FBXL5: variants seen among roughly 807,000 people sequenced by gnomAD.
FBXL5 encodes the protein F-box and leucine rich repeat protein 5.
Under a neutral mutation model 78.3 loss-of-function variants are expected in FBXL5, and 26 were observed. The observed-to-expected ratio is 0.33, with a 90% CI of 0.24 to 0.46. FBXL5 has a LOEUF of 0.46. FBXL5 is among the 20% of genes least tolerant of loss of function. FBXL5 has a pLI of 1.00. For synonymous variants in FBXL5, 295 were observed against 282.5 expected, an observed-to-expected ratio of 1.04 and a Z score of -0.45; for missense variants, 710 against 829.2, an observed-to-expected ratio of 0.86 and a Z score of 1.77.
chr4:15,675,899 T>C (rs1206244581), intron 1 of FBXL5, among the ~76,000 whole-genome samples: 2 of 152,202 alleles, frequency 1.3e-5, no homozygotes, highest in African/African-American at 4.8e-5. Flanking sequence ...CCTGTTCTAG[T>C]TGAATACGCA....
intron 9 of FBXL5, among the ~76,000 whole-genome samples, chr4:15,614,154 A>C (rs1300254483): frequency 6.6e-6 from 1 of 152,168 alleles, no homozygotes; most frequent in East Asian, 1.9e-4. Flanking sequence ...TGCTCTCCCC[A>C]CTTCCCCTAG....
chr4:15,669,259 C>A (rs1005354670), intron 1 of FBXL5, among the ~76,000 whole-genome samples: 1 of 152,102 alleles, frequency 6.6e-6, no homozygotes, highest in Non-Finnish European at 1.5e-5. Flanking sequence ...AGGCTACAAA[C>A]CAGTACAGCA....
intron 5 of FBXL5, among the ~76,000 whole-genome samples, chr4:15,634,022 C>T (rs910716144): frequency 6.6e-6 from 1 of 152,138 alleles, no homozygotes; most frequent in Non-Finnish European, 1.5e-5. Flanking sequence ...TGCTTAGCAA[C>T]AACCCTGGCC....
intron 10 of FBXL5, among the ~76,000 whole-genome samples, chr4:15,610,473 C>A (rs577878023): frequency 6.6e-6 from 1 of 151,996 alleles, no homozygotes; most frequent in Non-Finnish European, 1.5e-5. Flanking sequence ...CATCACAATT[C>A]ATTTATTTTA....
chr4:15,624,027 T>A (rs921665704), intron 9 of FBXL5, among the ~76,000 whole-genome samples: 1 of 151,976 alleles, frequency 6.6e-6, no homozygotes, highest in Non-Finnish European at 1.5e-5. Flanking sequence ...GGTTTCACCA[T>A]GTTAGCCAGG....
At chr4:15,671,887 A>G (rs1461331992) in intron 1 of FBXL5, among the ~76,000 whole-genome samples, 1 of 152,194 alleles carries the variant, frequency 6.6e-6, no homozygotes, top group Non-Finnish European at 1.5e-5. Context: ...TTTCATCTCT[A>G]GAAGTTGGAT....
At chr4:15,679,570 A>AAAAAAAC (rs1553858030) in intron 1 of FBXL5, among the ~76,000 whole-genome samples, 1 of 151,542 alleles carries the variant, frequency 6.6e-6, no homozygotes, top group Non-Finnish European at 1.5e-5. Context: ...AACAAAAAAA[A>AAAAAAAC]AAAAAAACAA....
At chr4:15,631,404 A>G (rs966730326) in intron 5 of FBXL5, among the ~76,000 whole-genome samples, 5 of 152,252 alleles carry the variant, frequency 3.3e-5, no homozygotes, top group South Asian at 2.1e-4. Flanking sequence ...TTATAGTAGC[A>G]TAATTTATAA....
intron 1 of FBXL5, among the ~76,000 whole-genome samples, chr4:15,648,131 A>G (rs552499712): frequency 6.6e-6 from 1 of 152,328 alleles, no homozygotes; most frequent in Admixed American, 6.5e-5. Context: ...TGCTGAGATT[A>G]TAGGCACAAG....
At chr4:15,672,877 AT>A (rs1354871877) in intron 1 of FBXL5, among the ~76,000 whole-genome samples, 2 of 152,162 alleles carry the variant, frequency 1.3e-5, no homozygotes, top group Admixed American at 6.5e-5. Flanking sequence ...GTACAAAAAT[AT>A]TTTTTATATC....
chr4:15,643,309 T>A (rs1395429819), intron 2 of FBXL5, among the ~76,000 whole-genome samples: 1 of 152,218 alleles, frequency 6.6e-6, no homozygotes, highest in African/African-American at 2.4e-5. Context: ...TTCCAGAACA[T>A]AAATCTCCAG....
In FBXL5 at chr4:15,625,878, A is replaced by G; in HGVS notation, c.1224T>C (p.Leu408=). 6.2e-7 allele frequency: 1 copy of G among 1,614,128 alleles called. No homozygotes were observed. The highest frequency in any genetic ancestry group is 1.1e-5 in the South Asian group (1 of 91,080). Residue 408 remains leucine (L), a synonymous_variant, in exon 9 of 11, where the codon CTT becomes CTC. Transcript: ENST00000341285. ...DVALEKISRA[L]GILTSHQSGF... ...CACTTTGATGAGATGTCAGAATTCC[A>G]AGAGCTCTGGAAATCTTCTCTAGGG...
intron 9 of FBXL5, among the ~76,000 whole-genome samples, chr4:15,616,526 C>G (rs959685145): frequency 3.3e-5 from 5 of 152,200 alleles, no homozygotes; most frequent in African/African-American, 1.2e-4. Context: ...CTTCTGTGCT[C>G]GTATCTGAAC....
At chr4:15,618,522 A>G (rs1712135510) in intron 9 of FBXL5, among the ~76,000 whole-genome samples, 1 of 152,230 alleles carries the variant, frequency 6.6e-6, no homozygotes, top group Non-Finnish European at 1.5e-5. Context: ...AGTTTCACTG[A>G]TAAATTTTAC....
At position 15,627,891 on chromosome 4, in the gene FBXL5, G is replaced by A. The variant is rs1430060430; in HGVS notation, c.1035C>T (p.Ser345=). 2 of 1,606,610 alleles carry A rather than the reference G, an allele frequency of 1.2e-6. No homozygotes were observed. Among genetic ancestry groups the A allele is most frequent in the South Asian group, 2.2e-5 (2 of 89,924 alleles). Residue 345 remains serine, a synonymous_variant, in exon 7 of 11, where the codon AGC becomes AGT. Coordinates refer to ENST00000341285, the MANE Select transcript of FBXL5 (RefSeq NM_012161.4). ...LVLAYSSAVS[S]KMVRQILELC... is the part of the protein sequence containing the mutation. ...AGTGTTAATTTAAACATACCATTTTGCTGGAAACTGCAGAGCTGTATGCTA... is the reference window on the plus strand; with the variant it reads ...AGTGTTAATTTAAACATACCATTTTACTGGAAACTGCAGAGCTGTATGCTA...
intron 1 of FBXL5, among the ~76,000 whole-genome samples, chr4:15,672,865 C>A (rs1717823760): frequency 6.6e-6 from 1 of 152,096 alleles, no homozygotes; most frequent in Non-Finnish European, 1.5e-5. Flanking sequence ...TGTTGTACAG[C>A]TGTACAAAAA....
Position 15,680,117 on chromosome 4 carries a change from G to GA in FBXL5, c.-284+1265dup, listed in dbSNP as rs371343552. 5.3e-3 allele frequency among the ~76,000 whole-genome samples: 765 copies of GA among 144,204 alleles called. 7 individuals carry two copies. Among genetic ancestry groups the GA allele is most frequent in the African/African-American group, 0.015 (612 of 39,614 alleles). 94.6% of individuals were successfully genotyped at this position (144,204 alleles called of 152,430 possible). A position where few individuals can be genotyped will look rare whatever the true frequency, so the allele number is the denominator to read the frequency against. On this transcript the variant is annotated intron_variant, in intron 1 of 4. Coordinates refer to the FBXL5 transcript ENST00000507899. ...ATATCCAGAATATACAGTAAAACAG[G>GA]AAAAAAAAAAACATGAACAATGCAG...
intron 1 of FBXL5, among the ~76,000 whole-genome samples, chr4:15,652,982 CCTTT>C (rs1375320758): frequency 3.9e-5 from 6 of 152,100 alleles, no homozygotes; most frequent in African/African-American, 1.2e-4. Flanking sequence ...TCCTTTAATT[CCTTT>C]AAGATTACTG....
chr4:15,605,721 G>A lies in FBXL5; in HGVS notation c.*2C>T, dbSNP rs1229512768. The A allele has an allele frequency of 7.4e-6, 12 of 1,612,844 alleles. No individual in the cohort carries two copies. In the Admixed American group the frequency reaches 1.8e-4, roughly 25 times the overall value. On this transcript the variant is annotated 3_prime_UTR_variant, in exon 11 of 11. Transcript: ENST00000341285. ...AAGTAGACAAAGATCAGAAGTCAAG[G>A]GTCATTCGCCAGAGCGGCAGCAGGC...
Sources: gnomAD v4.1 joint callset for allele counts (sites outside exome capture counted in the v4.1 genomes callset) on GRCh38, gnomAD v4.1.1 for gene constraint, MANE v1.5 for transcripts, NCBI Gene and HGNC (gene_info 2026-07-23, HGNC 2026-07-21) for gene names.